Variants in MEIOB observed in about 807,000 individuals in gnomAD.
MEIOB encodes the protein meiosis specific with OB-fold, also known as meiosis-specific with OB domain-containing protein.
Under a neutral mutation model 53.1 loss-of-function variants are expected in MEIOB, and 50 were observed. The observed-to-expected ratio is 0.94, with a 90% confidence interval of 0.75 to 1.19. The LOEUF is 1.19. MEIOB is among the 50% of genes most tolerant of loss of function. The probability of loss-of-function intolerance (pLI) is 0.00; values close to 1 mark genes in which losing one functional copy is unlikely to be tolerated. For synonymous variants in MEIOB, 192 were observed against 182.5 expected (o/e 1.05, Z -0.42); for missense variants, 551 against 550.8 (o/e 1.00, Z 0.00).
At chr16:1,838,125 G>A (rs952510165) in intron 12 of MEIOB, 1 of 603,848 alleles carries the variant, frequency 1.7e-6, no homozygotes, top group African/African-American at 1.8e-5. Context: ...TCCCGTTTCT[G>A]AGGTTACAGG....
chr16:1,836,896 G>A (rs969630210), intron 13 of MEIOB, among the ~76,000 whole-genome samples: 17 of 152,194 alleles, frequency 1.1e-4, no homozygotes, highest in African/African-American at 3.6e-4. Flanking sequence ...GCAAGTATCA[G>A]TAGATATAAC....
chr16:1,836,767 C>T (rs549839073), intron 13 of MEIOB, among the ~76,000 whole-genome samples: 1 of 147,234 alleles, frequency 6.8e-6, no homozygotes, highest in African/African-American at 2.4e-5. Context: ...CATAATAACA[C>T]TAATTCTCTC....
chr16:1,838,527 T>A (rs1480703387), intron 12 of MEIOB, among the ~76,000 whole-genome samples: 1 of 152,170 alleles, frequency 6.6e-6, no homozygotes, highest in Non-Finnish European at 1.5e-5. Context: ...GTTGTATAGC[T>A]GCAAATCAAG....
At chr16:1,865,331 T>C (rs935671177) in intron 3 of MEIOB, among the ~76,000 whole-genome samples, 5 of 150,008 alleles carry the variant, frequency 3.3e-5, no homozygotes, top group African/African-American at 1.2e-4. Context: ...ACTCGGGAGG[T>C]TGAAGCAGGA....
intron 3 of MEIOB, among the ~76,000 whole-genome samples, chr16:1,863,674 G>T (rs1164132985): frequency 6.6e-6 from 1 of 151,564 alleles, no homozygotes; most frequent in Non-Finnish European, 1.5e-5. Context: ...CGTGCCTGAT[G>T]AGACAAGGTT....
At chr16:1,841,216 C>T (rs985486726) in intron 11 of MEIOB, 1 of 151,896 alleles carries the variant, frequency 6.6e-6, no homozygotes, top group African/African-American at 2.4e-5. Context: ...TGGTGTTTCG[C>T]TATATTGGCC....
intron 3 of MEIOB, among the ~76,000 whole-genome samples, chr16:1,862,905 C>CA (rs539364531): frequency 2.6e-5 from 4 of 151,094 alleles, no homozygotes; most frequent in African/African-American, 9.7e-5. Flanking sequence ...ACTCTTGTCT[C>CA]AAAAATAAAT....
At chr16:1,856,650 T>C (rs1326422978) in intron 6 of MEIOB, among the ~76,000 whole-genome samples, 3 of 151,484 alleles carry the variant, frequency 2.0e-5, no homozygotes, top group Non-Finnish European at 4.4e-5. Flanking sequence ...TTAGTGGCGA[T>C]GGTGTTTCAC....
At chr16:1,834,848 T>C (rs2142070242) in intron 13 of MEIOB, among the ~76,000 whole-genome samples, 1 of 152,170 alleles carries the variant, frequency 6.6e-6, no homozygotes, top group South Asian at 2.1e-4. Flanking sequence ...GGCAGGAGAA[T>C]CCCTTGAACC....
chr16:1,838,265 G>A, intron 12 of MEIOB: 1 of 411,736 alleles, frequency 2.4e-6, no homozygotes, highest in Non-Finnish European at 4.3e-6. Flanking sequence ...CTCCCAAAGT[G>A]GTAGGATTAC....
chr16:1,834,075 G>T lies in MEIOB; in HGVS notation c.*181C>A. ...AGACAGTAGGAGGCCTTCTAAGAAG[G>T]GAGGTCAGATGAGAGAGGCCTTCAG... On this transcript the variant is annotated 3_prime_UTR_variant, in exon 14 of 14. Transcript: ENST00000325962. 2.1e-6 allele frequency: 1 copy of T among 484,518 alleles called. No individual in the cohort carries two copies. Among genetic ancestry groups the T allele is most frequent in the Non-Finnish European group, 3.6e-6 (1 of 274,448 alleles). The allele number at this position is 484,518 out of a possible 1,614,324, so 30.0% of individuals were successfully genotyped here.
At chr16:1,859,410 G>A (rs978569896) in intron 5 of MEIOB, among the ~76,000 whole-genome samples, 30 of 152,018 alleles carry the variant, frequency 2.0e-4, no homozygotes, top group African/African-American at 5.3e-4. Context: ...GGTGTGGGGC[G>A]TGTGCCTGTA....
At chr16:1,840,198 AG>A (rs755364240) in intron 11 of MEIOB, 3 of 152,210 alleles carry the variant, frequency 2.0e-5, no homozygotes, top group Non-Finnish European at 4.4e-5. Context: ...ATAAATGTAC[AG>A]GAAAAAAATT....
At position 1,855,255 on chromosome 16, in the gene MEIOB, A is replaced by G. The variant is rs1899271344; in HGVS notation, c.529-1055T>C. Among the ~76,000 whole-genome samples, 7 of 152,194 alleles carry G rather than the reference A, an allele frequency of 4.6e-5. No individual in the cohort carries two copies. In the South Asian group the frequency reaches 1.5e-3, roughly 32 times the overall value. Reference sequence around the variant, plus strand: ...AAGACTAGCCTGGCCAATATGGTGAAACCTTGTCTCTACTAAAAATACAAA... The same window carrying G: ...AAGACTAGCCTGGCCAATATGGTGAGACCTTGTCTCTACTAAAAATACAAA... On this transcript the variant is annotated intron_variant, in intron 6 of 13. Coordinates refer to ENST00000325962, the MANE Select transcript of MEIOB (RefSeq NM_001163560.3).
intron 3 of MEIOB, among the ~76,000 whole-genome samples, chr16:1,863,115 G>T (rs570040350): frequency 6.6e-6 from 1 of 151,818 alleles, no homozygotes; most frequent in Non-Finnish European, 1.5e-5. Flanking sequence ...TCAGCTACTT[G>T]GGAGGCTGAG....
At position 1,834,086 on chromosome 16, in the gene MEIOB, G is replaced by A. The variant is rs986078043; in HGVS notation, c.*170C>T. ...GGCCTTCTAAGAAGGGAGGTCAGATGAGAGAGGCCTTCAGACTCACCCAGA... is the reference window on the plus strand; with the variant it reads ...GGCCTTCTAAGAAGGGAGGTCAGATAAGAGAGGCCTTCAGACTCACCCAGA... On this transcript the variant is annotated 3_prime_UTR_variant, in exon 14 of 14. Transcript: ENST00000325962. The A allele has an allele frequency of 2.0e-6, 1 of 511,892 alleles. No individual in the cohort carries two copies. Among genetic ancestry groups the A allele is most frequent in the Admixed American group, 3.8e-5 (1 of 26,300 alleles). The allele number at this position is 511,892 out of a possible 1,614,324, so 31.7% of individuals were successfully genotyped here.
chr16:1,837,678 G>T, intron 13 of MEIOB, 106 bp downstream of exon 13: 1 of 592,712 alleles, frequency 1.7e-6, no homozygotes, highest in Non-Finnish European at 2.9e-6. Context: ...CTGGGAACTG[G>T]GCATTAGAAA....
At chr16:1,850,712 A>C (rs1241086124) in intron 9 of MEIOB, among the ~76,000 whole-genome samples, 3 of 152,060 alleles carry the variant, frequency 2.0e-5, no homozygotes, top group Non-Finnish European at 4.4e-5. Flanking sequence ...CACGGTCAGG[A>C]GATTGAGACC....
At chr16:1,841,767 C>A in intron 11 of MEIOB, 53 bp downstream of exon 11, 1 of 1,327,410 alleles carries the variant, frequency 7.5e-7, no homozygotes, top group Non-Finnish European at 1.0e-6. Flanking sequence ...AATTTATTAA[C>A]AATAATTATT....
Sources: allele counts gnomAD v4.1 joint callset (sites outside exome capture counted in the v4.1 genomes callset), GRCh38; gene constraint gnomAD v4.1.1; transcripts MANE v1.5; gene names NCBI Gene and HGNC (gene_info 2026-07-23, HGNC 2026-07-21).